The following ROR1 variants were observed in gnomAD, a reference collection of about 807,000 sequenced individuals.
ROR1 encodes ROR family WNT receptor 1.
Under a neutral mutation model 78.8 loss-of-function variants are expected in ROR1, and 19 were observed. That is an observed-to-expected ratio of 0.24 (90% CI 0.17 to 0.35). ROR1 has a LOEUF of 0.35. Ranked by LOEUF, ROR1 falls within the 10% of genes least tolerant of loss-of-function variation. The pLI is 1.00. For missense variants in ROR1, 917 were observed against 1,177.8 expected, an observed-to-expected ratio of 0.78 and a Z score of 3.24; for synonymous variants, 386 against 433.6, an observed-to-expected ratio of 0.89 and a Z score of 1.36.
intron 1 of ROR1, among the ~76,000 whole-genome samples, chr1:63,853,255 A>G (rs1645125447): frequency 6.6e-6 from 1 of 152,184 alleles, no homozygotes; most frequent in Non-Finnish European, 1.5e-5. Context: ...TATATCAGCT[A>G]GTTCATTCTC....
rs184212890 is a variant in ROR1 at position 64,074,428 on chromosome 1, G to C, written c.482+23712G>C. On this transcript the variant is annotated intron_variant, in intron 4 of 8. Coordinates refer to ENST00000371079, the MANE Select transcript of ROR1 (RefSeq NM_005012.4). ...GAGAGGGAGAGGTTGATGTGGGTGG[G>C]TGGGCTTCCTGGCAGAGGCTGAACT... 2.9e-3 allele frequency among the ~76,000 whole-genome samples: 441 copies of C among 152,322 alleles called. 4 individuals are homozygous for C. Among genetic ancestry groups the C allele is most frequent in the African/African-American group, 0.01 (419 of 41,564 alleles).
At chr1:64,055,902 T>G (rs907228127) in intron 4 of ROR1, among the ~76,000 whole-genome samples, 4 of 152,234 alleles carry the variant, frequency 2.6e-5, no homozygotes, top group African/African-American at 9.7e-5. Flanking sequence ...TTGCCTATTC[T>G]AGACATTTCA....
intron 1 of ROR1, among the ~76,000 whole-genome samples, chr1:63,997,923 A>T (rs1331702257): frequency 6.6e-6 from 1 of 152,034 alleles, no homozygotes; most frequent in Non-Finnish European, 1.5e-5. Context: ...ATCTCCAAAT[A>T]TTATCCCAGT....
chr1:63,798,338 G>A (rs1644774098), intron 1 of ROR1, among the ~76,000 whole-genome samples: 1 of 152,072 alleles, frequency 6.6e-6, no homozygotes, highest in Non-Finnish European at 1.5e-5. Flanking sequence ...TTTGCACTGG[G>A]CCCATCAACT....
chr1:63,891,107 C>G (rs1398791780), intron 1 of ROR1, among the ~76,000 whole-genome samples: 2 of 152,276 alleles, frequency 1.3e-5, no homozygotes, highest in East Asian at 3.9e-4. Context: ...TTTTGCTAAT[C>G]AAATACACAA....
At chr1:64,115,922 T>C (rs1648301709) in intron 4 of ROR1, among the ~76,000 whole-genome samples, 1 of 152,190 alleles carries the variant, frequency 6.6e-6, no homozygotes, top group Admixed American at 6.5e-5. Flanking sequence ...AATACACACC[T>C]GCCAATAAAT....
intron 1 of ROR1, among the ~76,000 whole-genome samples, chr1:63,932,411 G>A (rs1216817593): frequency 5.9e-5 from 9 of 152,122 alleles, no homozygotes; most frequent in Admixed American, 4.6e-4. Flanking sequence ...GAATAGCCCG[G>A]CCTCCCTTCC....
At chr1:64,121,059 C>CTTTTTTTTTTTTTT (rs200292093) in intron 4 of ROR1, among the ~76,000 whole-genome samples, 2 of 82,026 alleles carry the variant, frequency 2.4e-5, no homozygotes, top group African/African-American at 6.4e-5. Context: ...GGAGATACCC[C>CTTTTTTTTTTTTTT]TTTTTTTTTT....
At chr1:63,975,766 C>T (rs1646154945) in intron 1 of ROR1, among the ~76,000 whole-genome samples, 1 of 152,136 alleles carries the variant, frequency 6.6e-6, no homozygotes, top group African/African-American at 2.4e-5. Flanking sequence ...CAGGCACTTC[C>T]TTGGCGGGTG....
At chr1:63,821,539 G>A (rs551962151) in intron 1 of ROR1, among the ~76,000 whole-genome samples, 13 of 152,282 alleles carry the variant, frequency 8.5e-5, no homozygotes, top group African/African-American at 2.6e-4. Flanking sequence ...CTTATTTGGA[G>A]TCAATACTTT....
At chr1:64,144,624 A>G (rs1649426896) in intron 7 of ROR1, among the ~76,000 whole-genome samples, 1 of 152,144 alleles carries the variant, frequency 6.6e-6, no homozygotes, top group Non-Finnish European at 1.5e-5. Flanking sequence ...TCCTCATGTT[A>G]TGGATAAGAA....
At chr1:64,018,034 A>G (rs912090954) in intron 2 of ROR1, among the ~76,000 whole-genome samples, 1 of 151,936 alleles carries the variant, frequency 6.6e-6, no homozygotes, top group African/African-American at 2.4e-5. Context: ...TTTAGTTTGG[A>G]TTTAAGCCTA....
chr1:63,993,856 T>C (rs1052997589), intron 1 of ROR1, among the ~76,000 whole-genome samples: 5 of 152,216 alleles, frequency 3.3e-5, no homozygotes, highest in African/African-American at 1.2e-4. Flanking sequence ...TCATTTCATG[T>C]ATGTTTGAGG....
intron 1 of ROR1, among the ~76,000 whole-genome samples, chr1:63,798,338 G>T (rs1644774098): frequency 6.6e-6 from 1 of 152,072 alleles, no homozygotes. Flanking sequence ...TTTGCACTGG[G>T]CCCATCAACT....
intron 4 of ROR1, among the ~76,000 whole-genome samples, chr1:64,076,103 G>A (rs892251623): frequency 6.6e-6 from 1 of 151,918 alleles, no homozygotes. Context: ...TTTAGCTGGA[G>A]GTTATTCTCC....
chr1:63,960,918 AT>A (rs907403862), intron 1 of ROR1, among the ~76,000 whole-genome samples: 30 of 152,162 alleles, frequency 2.0e-4, no homozygotes, highest in Non-Finnish European at 3.8e-4. Flanking sequence ...GTCTGAAAAT[AT>A]TTTTTAAATT....
At chr1:63,904,207 T>G (rs997974953) in intron 1 of ROR1, among the ~76,000 whole-genome samples, 1 of 152,182 alleles carries the variant, frequency 6.6e-6, no homozygotes, top group Non-Finnish European at 1.5e-5. Flanking sequence ...GTGTGCTTTT[T>G]GTGGATTACG....
chr1:64,159,266 G>T, intron 8 of ROR1, 74 bp downstream of exon 8: 1 of 1,178,264 alleles, frequency 8.5e-7, no homozygotes. Context: ...ACCCTCCCAA[G>T]CTTGGAAATC....
chr1:64,093,687 C>T (rs964159981), intron 4 of ROR1, among the ~76,000 whole-genome samples: 26 of 151,798 alleles, frequency 1.7e-4, no homozygotes, highest in African/African-American at 6.0e-4. Flanking sequence ...TTTTGTTTGT[C>T]AGGAAACTGA....
Sources: gnomAD v4.1 joint callset for allele counts (sites outside exome capture counted in the v4.1 genomes callset) on GRCh38, gnomAD v4.1.1 for gene constraint, MANE v1.5 for transcripts, NCBI Gene and HGNC (gene_info 2026-07-23, HGNC 2026-07-21) for gene names.